CABIN1: variants seen among roughly 807,000 people sequenced by gnomAD.
CABIN1 encodes calcineurin binding protein 1.
A neutral mutation model predicts 227.7 loss-of-function variants in CABIN1; 133 were observed. The observed-to-expected ratio is 0.58, with a 90% CI of 0.51 to 0.67. The LOEUF is 0.67. Among genes scored for constraint, CABIN1 ranks in the 30% least tolerant of loss-of-function variants. CABIN1 has a pLI of 0.00. For synonymous variants in CABIN1, 1,086 were observed against 1,155.1 expected (o/e 0.94, Z 1.21); for missense variants, 2,408 against 2,852.5 (o/e 0.84, Z 3.55).
chr22:24,144,475 C>G (rs2044983265), intron 29 of CABIN1, among the ~76,000 whole-genome samples: 1 of 152,232 alleles, frequency 6.6e-6, no homozygotes, highest in African/African-American at 2.4e-5. Flanking sequence ...CAAGGGGTGC[C>G]CAGGTCCCTA....
rs555089708 is a variant in CABIN1, at chr22:24,170,912, C to T, written c.5758-801C>T. On this transcript the variant is annotated intron_variant, in intron 33 of 36. Coordinates refer to ENST00000263119, the MANE Select transcript of CABIN1 (RefSeq NM_012295.4). Reference sequence around the variant, plus strand: ...GGAGGGTTGAAGGGTGGACCCACTCCTCTGCTCAGCTGTGAGAGGCTGCCT... The same window carrying T: ...GGAGGGTTGAAGGGTGGACCCACTCTTCTGCTCAGCTGTGAGAGGCTGCCT... Among the ~76,000 whole-genome samples, 5 of 152,304 alleles carry T rather than the reference C, an allele frequency of 3.3e-5. No homozygotes were observed. The South Asian group carries it at 1.0e-3, about 32-fold the overall frequency.
chr22:24,029,103 C>T (rs1250766609), intron 1 of CABIN1, among the ~76,000 whole-genome samples: 1 of 152,178 alleles, frequency 6.6e-6, no homozygotes, highest in Non-Finnish European at 1.5e-5. Flanking sequence ...ATACCTATAA[C>T]AGCACTTTGG....
chr22:24,043,149 G>A lies in CABIN1; in HGVS notation c.526+65G>A. ...TTTTTGGAACAGCAGAGGAAAGGCA[G>A]TTTGGGTAAACTGAAAGCCAAAGTT... On this transcript the variant is annotated intron_variant, in intron 6 of 36. Transcript: ENST00000263119. 6 of 1,512,650 alleles carry A rather than the reference G, an allele frequency of 4.0e-6. No individual in the cohort carries two copies. In the South Asian group the frequency reaches 6.8e-5, roughly 17 times the overall value. The allele number at this position is 1,512,650 out of a possible 1,614,324, so 93.7% of individuals were successfully genotyped here.
intron 18 of CABIN1, among the ~76,000 whole-genome samples, chr22:24,075,590 A>T (rs1383987156): frequency 6.6e-6 from 1 of 152,052 alleles, no homozygotes; most frequent in African/African-American, 2.4e-5. Context: ...ACAAAAAATT[A>T]AAAAATTAGC....
chr22:24,137,972 G>A (rs2044520653), intron 29 of CABIN1, among the ~76,000 whole-genome samples: 1 of 152,144 alleles, frequency 6.6e-6, no homozygotes, highest in African/African-American at 2.4e-5. Context: ...CAGTAGGTGG[G>A]TGCTGGCCCT....
Position 24,060,127 on chromosome 22 carries a change from A to G in CABIN1, c.1603A>G (p.Asn535Asp). The part of the protein sequence containing the change: ...LPNPLLRDCS[N>D]KHIKDMMLMS... ...CAACCCGCTGCTGAGGGACTGCAGC[A>G]ACAAGCACATCAAGGTTAGGGGGAG... is the stretch of plus-strand genomic sequence containing the variant. Residue 535 changes from asparagine to aspartate, a missense_variant, in exon 12 of 37, where the codon AAC (asparagine) becomes GAC (aspartate). Asn to Asp is a conservative substitution (Grantham distance 23). Around this residue, in one of 3 missense-constraint regions of CABIN1, gnomAD observed 1,045 missense variants for 1,168.4 expected, o/e 0.89. Transcript: ENST00000263119. 6.2e-7 allele frequency: 1 copy of G among 1,613,660 alleles called. No individual in the cohort carries two copies. Among genetic ancestry groups the G allele is most frequent in the Non-Finnish European group, 8.5e-7 (1 of 1,179,950 alleles).
In CABIN1 at chr22:24,066,027, TGGAGAGGGAGACCGTAGGGAGAG is replaced by T. The variant is rs1196292064; in HGVS notation, c.2038-949_2038-927del. ...GGGAGAGAGAGACCATGGAAAGAGA[TGGAGAGGGAGACCGTAGGGAGAG>T]GGAGAGGGAGTGAAAGGTTTTAAAT... is the stretch of plus-strand genomic sequence containing the variant. On this transcript the variant is annotated intron_variant, in intron 15 of 36. Coordinates refer to ENST00000263119, the MANE Select transcript of CABIN1 (RefSeq NM_012295.4). 5.8e-3 allele frequency among the ~76,000 whole-genome samples: 877 copies of T among 152,090 alleles called. 2 individuals are homozygous for T. The highest frequency in any genetic ancestry group is 0.017 in the Middle Eastern group (5 of 292).
chr22:24,107,524 C>A (rs561406078), intron 26 of CABIN1, among the ~76,000 whole-genome samples: 1 of 152,254 alleles, frequency 6.6e-6, no homozygotes, highest in Admixed American at 6.5e-5. Context: ...CAGCAGAGTC[C>A]CCACTCAATT....
At chr22:24,049,911 A>T (rs545750352) in intron 7 of CABIN1, among the ~76,000 whole-genome samples, 1 of 152,156 alleles carries the variant, frequency 6.6e-6, no homozygotes, top group East Asian at 1.9e-4. Context: ...AGGTGACCCA[A>T]GAATACCTGC....
chr22:24,117,435 A>G (rs921109437), intron 27 of CABIN1, among the ~76,000 whole-genome samples: 5 of 152,102 alleles, frequency 3.3e-5, no homozygotes, highest in African/African-American at 1.2e-4. Flanking sequence ...CTTGGCCTCA[A>G]GCAATCCTCT....
intron 18 of CABIN1, among the ~76,000 whole-genome samples, chr22:24,075,605 T>A (rs1008477957): frequency 6.6e-6 from 1 of 151,944 alleles, no homozygotes; most frequent in Non-Finnish European, 1.5e-5. Flanking sequence ...ATTAGCTGGG[T>A]GTGGTAGCTC....
In CABIN1 at chr22:24,059,343, C is replaced by A. The variant is rs1368287748; in HGVS notation, c.1379C>A (p.Ser460Ter). The A allele has an allele frequency of 6.2e-7, 1 of 1,614,062 alleles. No individual in the cohort carries two copies. The highest frequency in any genetic ancestry group is 8.5e-7 in the Non-Finnish European group (1 of 1,180,028). ...SIGPQRLSFD[S>*]ATFMESEKQD... is the part of the protein sequence containing the mutation. ...GGGCCTCAAAGGCTGTCATTTGACT[C>A]AGCCACATTCATGGAATCTGGTAGG... Residue 460 changes from serine to a stop codon, truncating the protein, a stop_gained, in exon 11 of 37, where the codon TCA (serine) becomes TAA (stop). Transcript: ENST00000263119. LOFTEE classifies it high-confidence loss of function.
chr22:24,120,325 C>T (rs1057293878), intron 28 of CABIN1, among the ~76,000 whole-genome samples: 1 of 152,204 alleles, frequency 6.6e-6, no homozygotes, highest in Non-Finnish European at 1.5e-5. Flanking sequence ...CAGCTGTGCC[C>T]CAGGCTTAAG....
chr22:24,122,531 A>C (rs1216567110), intron 28 of CABIN1, among the ~76,000 whole-genome samples: 1 of 152,178 alleles, frequency 6.6e-6, no homozygotes, highest in African/African-American at 2.4e-5. Flanking sequence ...AACATGGCGA[A>C]ATCTTGTCTA....
intron 29 of CABIN1, among the ~76,000 whole-genome samples, chr22:24,147,285 C>G (rs1311875468): frequency 8.2e-6 from 1 of 122,158 alleles, no homozygotes. Flanking sequence ...CCCTCCCTCC[C>G]TCCCTGCCTC....
chr22:24,161,747 G>A lies in CABIN1; in HGVS notation c.4747-2653G>A, dbSNP rs145545556. On this transcript the variant is annotated intron_variant, in intron 29 of 36. Coordinates refer to ENST00000263119, the MANE Select transcript of CABIN1 (RefSeq NM_012295.4). ...TCCACACCCTCCCTGAGGCCCGAAC[G>A]TGAGTCCCTGGGCTGAATGCAGTGG... is the stretch of plus-strand genomic sequence containing the variant. Among the ~76,000 whole-genome samples, 50 of 152,320 alleles carry A rather than the reference G, an allele frequency of 3.3e-4. No homozygotes were observed. The East Asian group carries it at 4.2e-3, about 13-fold the overall frequency.
chr22:24,061,549 A>G (rs545563028), intron 12 of CABIN1, among the ~76,000 whole-genome samples: 4 of 152,372 alleles, frequency 2.6e-5, no homozygotes, highest in African/African-American at 2.4e-5. Flanking sequence ...GCTGTGCCCA[A>G]TGGGCAAGTG....
intron 23 of CABIN1, among the ~76,000 whole-genome samples, chr22:24,088,267 G>A (rs893591653): frequency 6.6e-6 from 1 of 152,124 alleles, no homozygotes; most frequent in African/African-American, 2.4e-5. Context: ...GAGAGGATAG[G>A]GGAAAGAAGT....
chr22:24,087,330 C>T, intron 22 of CABIN1, 122 bp from the exon 23 acceptor site: 1 of 1,300,598 alleles, frequency 7.7e-7, no homozygotes, highest in Non-Finnish European at 1.1e-6. Context: ...GAGTTGGGCT[C>T]TGAGCCCTGG....
Sources: allele counts gnomAD v4.1 joint callset (sites outside exome capture counted in the v4.1 genomes callset), GRCh38; gene constraint gnomAD v4.1.1; regional missense constraint gnomAD v4.1.1; transcripts MANE v1.5; gene names NCBI Gene and HGNC (gene_info 2026-07-23, HGNC 2026-07-21).